FGF13: variants seen among roughly 807,000 people sequenced by gnomAD.
The protein encoded by FGF13 is fibroblast growth factor 13.
A neutral mutation model predicts 19.5 loss-of-function variants in FGF13; 2 were observed. The ratio of observed to expected loss-of-function variants is 0.10; its 90% CI spans 0.04 to 0.32. The LOEUF (loss-of-function observed/expected upper bound fraction) is 0.32. FGF13 is among the 10% of genes least tolerant of loss of function. The pLI, the probability that FGF13 is intolerant of heterozygous loss-of-function variation, is 1.00. For synonymous variants in FGF13, 72 were observed against 76.9 expected (o/e 0.94, Z 0.33); for missense variants, 113 against 192.7 (o/e 0.59, Z 2.45).
intron 1 of FGF13, among the ~76,000 whole-genome samples, chrX:139,069,815 G>A (rs1169525524): frequency 9.0e-6 from 1 of 111,524 alleles, no homozygotes; most frequent in Non-Finnish European, 1.9e-5. Flanking sequence ...AGAGGCCTCA[G>A]AAATAACAAC....
chrX:138,634,385 C>T (rs928945802), intron 4 of FGF13, among the ~76,000 whole-genome samples: 4 of 112,343 alleles, frequency 3.6e-5, no homozygotes, highest in African/African-American at 9.7e-5. Flanking sequence ...GCTGTGTATA[C>T]ACATTTTTAA....
chrX:139,036,731 G>A (rs1479051669), intron 1 of FGF13, among the ~76,000 whole-genome samples: 1 of 111,400 alleles, frequency 9.0e-6, no homozygotes, highest in Non-Finnish European at 1.9e-5. Context: ...CATGGCTGGG[G>A]AGGTGGCACA....
At chrX:138,948,318 T>A (rs1051815691) in intron 1 of FGF13, among the ~76,000 whole-genome samples, 2 of 111,860 alleles carry the variant, frequency 1.8e-5, no homozygotes, top group African/African-American at 3.2e-5. Context: ...TGACCTTTTT[T>A]AAAAAGATTG....
chrX:139,037,668 A>T (rs2092255161), intron 1 of FGF13, among the ~76,000 whole-genome samples: 1 of 111,674 alleles, frequency 9.0e-6, no homozygotes, highest in Non-Finnish European at 1.9e-5. Context: ...GGCACATCTC[A>T]TTCTCTTGTC....
chrX:138,700,202 C>T (rs1031141426), intron 3 of FGF13, among the ~76,000 whole-genome samples: 3 of 111,303 alleles, frequency 2.7e-5, no homozygotes, highest in African/African-American at 6.5e-5. Flanking sequence ...ACTGCAACTG[C>T]TTTTTAAGCA....
chrX:138,814,097 AAGAAAT>A (rs1193973433), intron 3 of FGF13, among the ~76,000 whole-genome samples: 3 of 110,860 alleles, frequency 2.7e-5, no homozygotes, highest in Non-Finnish European at 5.7e-5. Context: ...AGTAGACTTG[AAGAAAT>A]AGAAAGACAT....
At chrX:139,077,262 T>G (rs943401021) in intron 1 of FGF13, among the ~76,000 whole-genome samples, 1 of 112,315 alleles carries the variant, frequency 8.9e-6, no homozygotes, top group Non-Finnish European at 1.9e-5. Flanking sequence ...TATCGCTATT[T>G]GAAAAGCCAA....
At chrX:139,043,123 G>A (rs1165353914) in intron 1 of FGF13, among the ~76,000 whole-genome samples, 2 of 111,199 alleles carry the variant, frequency 1.8e-5, no homozygotes, top group African/African-American at 6.6e-5. Context: ...TTATACCCAC[G>A]TGTGACTTAC....
chrX:138,897,160 C>T (rs1271910858), intron 1 of FGF13, among the ~76,000 whole-genome samples: 8 of 111,268 alleles, frequency 7.2e-5, no homozygotes, highest in Non-Finnish European at 1.5e-4. Context: ...CAGGTGCACA[C>T]TACCATGCCC....
intron 1 of FGF13, among the ~76,000 whole-genome samples, chrX:139,073,460 T>G (rs186226038): frequency 2.7e-5 from 3 of 111,533 alleles, no homozygotes; most frequent in Admixed American, 1.9e-4. Context: ...TTAATAAACA[T>G]TAGCCTTTGA....
chrX:138,890,740 C>A (rs777099310), intron 1 of FGF13, among the ~76,000 whole-genome samples: 1 of 111,698 alleles, frequency 9.0e-6, no homozygotes, highest in African/African-American at 3.3e-5. Flanking sequence ...ACTATGCTAG[C>A]CTTTACTAAG....
chrX:138,884,189 G>A (rs1393693105), intron 1 of FGF13, among the ~76,000 whole-genome samples: 1 of 112,143 alleles, frequency 8.9e-6, no homozygotes, highest in African/African-American at 3.2e-5. Flanking sequence ...CAGACAAAAG[G>A]AGTATATTAT....
At chrX:138,712,511 C>T (rs1452307895), upstream of FGF13, among the ~76,000 whole-genome samples, 1 of 111,269 alleles carries the variant, frequency 9.0e-6, no homozygotes, top group East Asian at 2.8e-4. Context: ...CTCCTTCCCT[C>T]CAATTCAGGA....
chrX:138,714,062 T>C (rs964956102), upstream of FGF13: 5 of 111,458 alleles, frequency 4.5e-5, no homozygotes, highest in Non-Finnish European at 7.5e-5. Context: ...CTGTCACATG[T>C]TCCTGCCAAC....
At chrX:138,895,026 T>C (rs887225881) in intron 1 of FGF13, among the ~76,000 whole-genome samples, 10 of 111,998 alleles carry the variant, frequency 8.9e-5, no homozygotes, top group Admixed American at 6.7e-4. Context: ...TCAATAAATG[T>C]AACCCAGAGT....
At chrX:139,174,036 T>G (rs911733927) in intron 1 of FGF13, among the ~76,000 whole-genome samples, 6 of 112,336 alleles carry the variant, frequency 5.3e-5, no homozygotes, top group African/African-American at 1.9e-4. Flanking sequence ...AAAGCATTCC[T>G]ATTTCTCCAC....
chrX:139,109,273 G>A (rs1464633999), intron 1 of FGF13, among the ~76,000 whole-genome samples: 3 of 111,297 alleles, frequency 2.7e-5, no homozygotes, highest in Admixed American at 9.6e-5. Flanking sequence ...TGGGAGATGC[G>A]ACCAACTCAT....
At chrX:138,829,331 C>G (rs1163410569) in intron 3 of FGF13, among the ~76,000 whole-genome samples, 1 of 110,771 alleles carries the variant, frequency 9.0e-6, no homozygotes, top group East Asian at 2.9e-4. Flanking sequence ...TAATGCTGTC[C>G]CTGGGGGGTG....
intron 1 of FGF13, among the ~76,000 whole-genome samples, chrX:138,933,220 C>T (rs942315874): frequency 2.1e-4 from 23 of 111,632 alleles, no homozygotes; most frequent in African/African-American, 7.5e-4. Context: ...CATAGTCATC[C>T]TTAGGTTTGC....
Sources: allele counts gnomAD v4.1 joint callset (sites outside exome capture counted in the v4.1 genomes callset), GRCh38; gene constraint gnomAD v4.1.1; transcripts MANE v1.5; gene names NCBI Gene and HGNC (gene_info 2026-07-23, HGNC 2026-07-21).